The following ABCA3 variants were observed in gnomAD, a reference collection of about 807,000 sequenced individuals.
ABCA3 encodes the protein ATP binding cassette subfamily A member 3.
ABCA3 carries 88 observed loss-of-function variants against 172.8 expected under a neutral mutation model. That is an observed-to-expected ratio of 0.51 (90% CI 0.43 to 0.61). The LOEUF (loss-of-function observed/expected upper bound fraction) is 0.61, where lower values mean the gene tolerates loss of function less well. Among genes scored for constraint, ABCA3 ranks in the 20% least tolerant of loss-of-function variants. The pLI, the probability that ABCA3 is intolerant of heterozygous loss-of-function variation, is 0.00. For missense variants in ABCA3, 2,164 were observed against 2,301.0 expected (o/e 0.94, Z 1.22); for synonymous variants, 1,066 against 983.8 (o/e 1.08, Z -1.56).
chr16:2,310,821 A>AT (rs1459450993), intron 10 of ABCA3, among the ~76,000 whole-genome samples: 1 of 150,890 alleles, frequency 6.6e-6, no homozygotes, highest in Non-Finnish European at 1.5e-5. Flanking sequence ...TGACCGGCTG[A>AT]TTTTTTCTTT....
At position 2,319,992 on chromosome 16, in the gene ABCA3, G is replaced by A. The variant is rs569576193; in HGVS notation, c.614-152C>T. 11 of 892,428 alleles carry A rather than the reference G, an allele frequency of 1.2e-5. No individual in the cohort carries two copies. In the South Asian group the frequency reaches 1.6e-4, roughly 13 times the overall value. The allele number at this position is 892,428 out of a possible 1,614,324, so 55.3% of individuals were successfully genotyped here. A position where few individuals can be genotyped will look rare whatever the true frequency, so the allele number is the denominator to read the frequency against. On this transcript the variant is annotated intron_variant, in intron 7 of 32. Transcript: ENST00000301732. Reference sequence around the variant, plus strand: ...CCCGTGGCCGCTCAGTGGTCCCACGGGAGAAGGAAGGAAACGCACCACACA... The same window carrying A: ...CCCGTGGCCGCTCAGTGGTCCCACGAGAGAAGGAAGGAAACGCACCACACA...
rs1421126360 is a variant in ABCA3, at chr16:2,278,032, T to C, written c.4756A>G (p.Ile1586Val). 2.5e-6 allele frequency: 4 copies of C among 1,613,292 alleles called. No individual in the cohort carries two copies. Among genetic ancestry groups the C allele is most frequent in the African/African-American group, 2.7e-5 (2 of 74,934 alleles). ...ECEALCTRLA[I>V]MVQGQFKCLG... ...CACTTGAACTGCCCCTGCACCATGA[T>C]GGCCAGCCGGGTGCACAGGGCCTCA... Residue 1586 changes from isoleucine to valine, a missense_variant, in exon 31 of 33, where the codon ATC (isoleucine) becomes GTC (valine). Ile to Val is a conservative substitution (Grantham distance 29). Coordinates refer to ENST00000301732, the MANE Select transcript of ABCA3 (RefSeq NM_001089.3). The surrounding 1 kb of genome is among the most constrained non-coding windows in gnomAD (Gnocchi z 4.4).
intron 1 of ABCA3, among the ~76,000 whole-genome samples, chr16:2,338,296 C>A (rs1486752765): frequency 6.6e-6 from 1 of 152,238 alleles, no homozygotes; most frequent in Non-Finnish European, 1.5e-5. Context: ...ACATGCCTCA[C>A]TCTTCCCCAC....
In ABCA3 at chr16:2,281,146, G is replaced by A; in HGVS notation, c.4240C>T (p.Leu1414=). The A allele has an allele frequency of 6.2e-7, 1 of 1,613,908 alleles. No individual in the cohort carries two copies. The highest frequency in any genetic ancestry group is 8.5e-7 in the Non-Finnish European group (1 of 1,180,044). The change falls in exon 28 of 33, where the codon CTG becomes TTG. Residue 1414 remains leucine (L), a synonymous_variant. Coordinates refer to ENST00000301732, the MANE Select transcript of ABCA3 (RefSeq NM_001089.3). The surrounding 1 kb of genome is among the most constrained non-coding windows in gnomAD (Gnocchi z 4.7). ...TTCCCGGCTCCATTGAAGCCCAGCA[G>A]GCCGAAGCACTCCCCTTTCTGCACC... ...LAVQKGECFG[L]LGFNGAGKTT... is the part of the protein sequence containing the mutation.
At chr16:2,325,653 A>C (rs931198493) in intron 5 of ABCA3, among the ~76,000 whole-genome samples, 8 of 152,180 alleles carry the variant, frequency 5.3e-5, no homozygotes, top group Non-Finnish European at 1.2e-4. Context: ...GGAGACCAGT[A>C]ATGTCTTTCA....
At chr16:2,331,579 C>T (rs987257510) in intron 1 of ABCA3, among the ~76,000 whole-genome samples, 7 of 152,264 alleles carry the variant, frequency 4.6e-5, no homozygotes, top group Non-Finnish European at 8.8e-5. Flanking sequence ...TCACTGAACA[C>T]TACGCTTGCA....
At position 2,281,615 on chromosome 16, in the gene ABCA3, C is replaced by T. The variant is rs1313402344; in HGVS notation, c.4036-106G>A. The stretch of plus-strand genomic sequence containing the variant: ...TGTGGGAGGTCTGGTGGGACTAAGG[C>T]CTTCAAGGCTTCTCGTCCCAATCTC... On this transcript the variant is annotated intron_variant, in intron 26 of 32. Coordinates refer to ENST00000301732, the MANE Select transcript of ABCA3 (RefSeq NM_001089.3). This position sits in a 1 kb window ranked among gnomAD's most constrained non-coding sequence, Gnocchi z 4.7. 7 of 1,402,960 alleles carry T rather than the reference C, an allele frequency of 5.0e-6. No individual in the cohort carries two copies. In the African/African-American group the frequency reaches 8.5e-5, roughly 17 times the overall value. The allele number at this position is 1,402,960 out of a possible 1,614,324, so 86.9% of individuals were successfully genotyped here.
chr16:2,291,747 C>A (rs970655960), intron 19 of ABCA3, among the ~76,000 whole-genome samples: 1 of 152,192 alleles, frequency 6.6e-6, no homozygotes, highest in Non-Finnish European at 1.5e-5. Context: ...CATTTGAGAT[C>A]ATAACCGAGG....
chr16:2,312,343 T>C (rs1424595341), intron 10 of ABCA3, among the ~76,000 whole-genome samples: 1 of 152,202 alleles, frequency 6.6e-6, no homozygotes, highest in Admixed American at 6.5e-5. Context: ...CTAGTTTTGC[T>C]GACAACTCAA....
rs1272107041 is a variant in ABCA3 at position 2,288,040 on chromosome 16, G to A, written c.2990C>T (p.Pro997Leu). Residue 997 changes from proline to leucine, a missense_variant, in exon 21 of 33, where the codon CCC becomes CTC. Pro to Leu is a moderately conservative substitution (Grantham distance 98). This residue lies in a region of ABCA3 where 1,343 missense variants were observed against 1,369.6 expected (regional missense o/e 0.98). Transcript: ENST00000301732. ...ATGCCCCTTACCGAGCACCTCGCGGGGCTCCTGTCCCTCAGCCTGCAGTGC... is the reference window on the plus strand; with the variant it reads ...ATGCCCCTTACCGAGCACCTCGCGGAGCTCCTGTCCCTCAGCCTGCAGTGC... ...KDALQAEGQE[P>L]REVLGDLEEF... 3 of 1,608,746 alleles carry A rather than the reference G, an allele frequency of 1.9e-6. No individual in the cohort carries two copies. The highest frequency in any genetic ancestry group is 2.5e-6 in the Non-Finnish European group (3 of 1,179,986).
chr16:2,336,357 C>G (rs2093751695), intron 1 of ABCA3, among the ~76,000 whole-genome samples: 1 of 152,038 alleles, frequency 6.6e-6, no homozygotes, highest in African/African-American at 2.4e-5. Context: ...CTCGTAAGCA[C>G]AGGGTCTGTG....
At chr16:2,326,701 T>G (rs1156355020) in intron 3 of ABCA3, among the ~76,000 whole-genome samples, 2 of 152,168 alleles carry the variant, frequency 1.3e-5, no homozygotes, top group Non-Finnish European at 2.9e-5. Flanking sequence ...GAGCATAGTC[T>G]TTTTGGCCAG....
At chr16:2,333,692 T>TC (rs2093747031) in intron 1 of ABCA3, among the ~76,000 whole-genome samples, 1 of 150,248 alleles carries the variant, frequency 6.7e-6, no homozygotes, top group African/African-American at 2.4e-5. Context: ...TAACATTCTT[T>TC]TTTTTTTTTT....
chr16:2,297,796 G>A lies in ABCA3; in HGVS notation c.2022C>T (p.Ser674=). The part of the protein sequence containing the change: ...FLSGGMRRKL[S]IGIALIAGSK... The stretch of plus-strand genomic sequence containing the variant: ...AGCCTGCGATGAGGGCGATGCCGAT[G>A]GAGAGCTTGCGCCTCATGCCCCCGC... Residue 674 remains serine (S), a synonymous_variant, in exon 16 of 33, where the codon TCC becomes TCT. Transcript: ENST00000301732. This position sits in a 1 kb window ranked among gnomAD's most constrained non-coding sequence, Gnocchi z 5.6. The A allele has an allele frequency of 6.2e-7, 1 of 1,613,278 alleles. No individual in the cohort carries two copies. Among genetic ancestry groups the A allele is most frequent in the Non-Finnish European group, 8.5e-7 (1 of 1,180,034 alleles).
chr16:2,327,415 G>A (rs1357510848), intron 3 of ABCA3, among the ~76,000 whole-genome samples: 6 of 152,200 alleles, frequency 3.9e-5, no homozygotes, highest in Admixed American at 3.9e-4. Context: ...CAGGCTTATG[G>A]AATTCCACTT....
At chr16:2,322,065 G>C (rs974556397) in intron 7 of ABCA3, among the ~76,000 whole-genome samples, 1 of 152,064 alleles carries the variant, frequency 6.6e-6, no homozygotes, top group Non-Finnish European at 1.5e-5. Flanking sequence ...GGGCGTGGTG[G>C]TGTGCGCCTG....
chr16:2,303,915 G>T, intron 12 of ABCA3, 54 bp downstream of exon 12: 1 of 1,603,230 alleles, frequency 6.2e-7, no homozygotes, highest in Non-Finnish European at 8.5e-7. Context: ...AGGTACTGGG[G>T]ACACCTCTGC....
In ABCA3 at chr16:2,277,967, G is replaced by T. The variant is rs771592123; in HGVS notation, c.4821C>A (p.Ser1607Arg). The T allele has an allele frequency of 6.2e-7, 1 of 1,612,852 alleles. No individual in the cohort carries two copies. Residue 1607 changes from serine to arginine, a missense_variant, in exon 31 of 33, where the codon AGC becomes AGA. Coordinates refer to ENST00000301732, the MANE Select transcript of ABCA3 (RefSeq NM_001089.3). This position sits in a 1 kb window ranked among gnomAD's most constrained non-coding sequence, Gnocchi z 5.3. ...GCACCTTGGCCCGCAGGGAGTAGCC[G>T]CTGCCGAACTTGCTCTTGAGGTGCT... ...SPQHLKSKFGSGYSLRAKVQS... is the reference protein window; with the variant it reads ...SPQHLKSKFGRGYSLRAKVQS...
At position 2,299,491 on chromosome 16, in the gene ABCA3, G is replaced by A; in HGVS notation, c.1653C>T (p.Asp551=). 1.2e-6 allele frequency: 2 copies of A among 1,613,832 alleles called. No homozygotes were observed. Among genetic ancestry groups the A allele is most frequent in the South Asian group, 1.1e-5 (1 of 91,082 alleles). Residue 551 remains aspartate (D), a synonymous_variant, in exon 14 of 33, where the codon GAC becomes GAT. Coordinates refer to ENST00000301732, the MANE Select transcript of ABCA3 (RefSeq NM_001089.3). The stretch of plus-strand genomic sequence containing the variant: ...GTCCCTCGTACAGGTTGAGGTTCAG[G>A]TCTCTGACGGCCGCCCTGTCCTTAT... ...VGNKDRAAVR[D]LNLNLYEGQI... is the part of the protein sequence containing the mutation.
Sources: gnomAD v4.1 joint callset for allele counts (sites outside exome capture counted in the v4.1 genomes callset) on GRCh38, gnomAD v4.1.1 for gene constraint, gnomAD v4.1.1 regional missense constraint, Gnocchi (gnomAD v3.1) non-coding constraint, MANE v1.5 for transcripts, NCBI Gene and HGNC (gene_info 2026-07-23, HGNC 2026-07-21) for gene names.